The following SIPA1L1 variants were observed in gnomAD, a reference collection of about 807,000 sequenced individuals.
SIPA1L1 encodes the protein signal induced proliferation associated 1 like 1, also known as signal-induced proliferation-associated 1-like protein 1.
A neutral mutation model predicts 162.7 loss-of-function variants in SIPA1L1; 26 were observed. The observed-to-expected ratio is 0.16, with a 90% CI of 0.12 to 0.22. The LOEUF (loss-of-function observed/expected upper bound fraction) is 0.22. Ranked by LOEUF, SIPA1L1 falls within the 10% of genes least tolerant of loss-of-function variation. SIPA1L1 has a pLI of 1.00. For missense variants in SIPA1L1, 1,874 were observed against 2,241.0 expected (o/e 0.84, Z 3.31); for synonymous variants, 829 against 837.4 (o/e 0.99, Z 0.17).
intron 2 of SIPA1L1, among the ~76,000 whole-genome samples, chr14:71,437,654 G>A (rs952969643): frequency 3.9e-5 from 6 of 152,142 alleles, no homozygotes; most frequent in Admixed American, 1.3e-4. Flanking sequence ...AAGACACCGC[G>A]CCTGGCTTAT....
At chr14:71,502,051 A>C (rs1211426232) in intron 2 of SIPA1L1, among the ~76,000 whole-genome samples, 2 of 149,878 alleles carry the variant, frequency 1.3e-5, no homozygotes, top group African/African-American at 2.4e-5. Context: ...AAAAAAAAAA[A>C]AAAATCTTCA....
At chr14:71,357,404 G>A (rs2140785072) in intron 2 of SIPA1L1, among the ~76,000 whole-genome samples, 1 of 152,288 alleles carries the variant, frequency 6.6e-6, no homozygotes. Context: ...TTGGTGGTAA[G>A]GCCGCCTGAT....
rs754676608 is a variant in SIPA1L1 at position 71,702,505 on chromosome 14, G to C, written c.3646G>C (p.Glu1216Gln). ...RSEDSIADQMEPTCHLPAVSK... is the reference protein window; with the variant it reads ...RSEDSIADQMQPTCHLPAVSK... ...TGAGGATAGCATTGCTGACCAGATG[G>C]GTAAGTAATCAATTTCTACAAGAAG... Residue 1216 changes from glutamate (E) to glutamine (Q), a missense_variant and splice_region_variant, in exon 15 of 24, where the codon GAG becomes CAG. Around this residue, in one of 5 missense-constraint regions of SIPA1L1, gnomAD observed 936 missense variants for 1,051.9 expected, o/e 0.89. Coordinates refer to ENST00000381232, the MANE Select transcript of SIPA1L1 (RefSeq NM_001386936.1). 6 of 1,613,332 alleles carry C rather than the reference G, an allele frequency of 3.7e-6. No individual in the cohort carries two copies. Among genetic ancestry groups the C allele is most frequent in the Non-Finnish European group, 5.1e-6 (6 of 1,179,568 alleles).
At chr14:71,411,113 T>C (rs1018708496) in intron 2 of SIPA1L1, among the ~76,000 whole-genome samples, 5 of 152,258 alleles carry the variant, frequency 3.3e-5, no homozygotes, top group African/African-American at 4.8e-5. Context: ...GACTTTTCTT[T>C]AGCATTTTGT....
At position 71,639,144 on chromosome 14, in the gene SIPA1L1, C is replaced by A. The variant is rs531376560; in HGVS notation, c.1819-11191C>A. Among the ~76,000 whole-genome samples, 4 of 152,332 alleles carry A rather than the reference C, an allele frequency of 2.6e-5. 1 individual carries two copies. The highest frequency in any genetic ancestry group is 2.6e-4 in the Admixed American group (4 of 15,302). ...CCCTAATGTTGGGCATGATGGCTCA[C>A]TTCTGTAATCCTAGCGTTTTGAGAG... On this transcript the variant is annotated intron_variant, in intron 7 of 23. Coordinates refer to ENST00000381232, the MANE Select transcript of SIPA1L1 (RefSeq NM_001386936.1).
intron 10 of SIPA1L1, among the ~76,000 whole-genome samples, chr14:71,666,058 A>G (rs2043973390): frequency 1.3e-5 from 2 of 152,184 alleles, no homozygotes; most frequent in Non-Finnish European, 2.9e-5. Context: ...CCATTTTTCA[A>G]CAACTACAGA....
intron 2 of SIPA1L1, among the ~76,000 whole-genome samples, chr14:71,446,906 G>GTTTTTTTTTTTTTTTTTTTTT (rs1189940440): frequency 1.9e-4 from 10 of 53,244 alleles, no homozygotes; most frequent in East Asian, 1.5e-3. Context: ...TTTTTTTTTT[G>GTTTTTTTTTTTTTTTTTTTTT]TTTTTTTTTT....
At chr14:71,446,665 T>C (rs2045366132) in intron 2 of SIPA1L1, among the ~76,000 whole-genome samples, 1 of 152,170 alleles carries the variant, frequency 6.6e-6, no homozygotes, top group Non-Finnish European at 1.5e-5. Context: ...TTTGTGTGTG[T>C]GCATTTTTAT....
intron 5 of SIPA1L1, among the ~76,000 whole-genome samples, chr14:71,600,692 G>T (rs2036629626): frequency 6.6e-6 from 1 of 152,120 alleles, no homozygotes; most frequent in Non-Finnish European, 1.5e-5. Flanking sequence ...TCATTTTAAT[G>T]ATAATAATTC....
intron 16 of SIPA1L1, among the ~76,000 whole-genome samples, chr14:71,708,968 A>G (rs1347514752): frequency 1.3e-5 from 2 of 152,082 alleles, no homozygotes; most frequent in African/African-American, 2.4e-5. Context: ...TCTCAATAGT[A>G]TTGATACTTT....
chr14:71,447,562 ATTTTT>A (rs61686460), intron 2 of SIPA1L1, among the ~76,000 whole-genome samples: 3 of 127,786 alleles, frequency 2.3e-5, no homozygotes, highest in East Asian at 2.3e-4. Flanking sequence ...TGTACTGTGG[ATTTTT>A]TTTTTTTTTT....
intron 2 of SIPA1L1, among the ~76,000 whole-genome samples, chr14:71,385,540 T>C (rs2141254132): frequency 6.6e-6 from 1 of 152,278 alleles, no homozygotes; most frequent in Admixed American, 6.5e-5. Context: ...TATTTAAATA[T>C]TTCTAGTTGC....
intron 10 of SIPA1L1, 93 bp from the exon 11 acceptor site, chr14:71,671,026 A>C (rs2044466288): frequency 1.0e-6 from 1 of 967,090 alleles, no homozygotes; most frequent in Middle Eastern, 2.3e-4. Flanking sequence ...TTTGTATCTG[A>C]GGTACATCTT....
intron 4 of SIPA1L1, among the ~76,000 whole-genome samples, chr14:71,580,375 C>T (rs2147280415): frequency 6.6e-6 from 1 of 152,250 alleles, no homozygotes; most frequent in East Asian, 1.9e-4. Context: ...ATGATGGCAA[C>T]CTGTGCTCTG....
intron 2 of SIPA1L1, among the ~76,000 whole-genome samples, chr14:71,415,811 C>T (rs1343797925): frequency 6.6e-6 from 1 of 152,148 alleles, no homozygotes; most frequent in Non-Finnish European, 1.5e-5. Context: ...GATTCTCCCG[C>T]CTCAGCCTCC....
chr14:71,610,680 G>C (rs1436026040), intron 5 of SIPA1L1, among the ~76,000 whole-genome samples: 1 of 152,092 alleles, frequency 6.6e-6, no homozygotes, highest in Non-Finnish European at 1.5e-5. Flanking sequence ...TGGAATGTAT[G>C]TCCTTTTGTT....
intron 3 of SIPA1L1, among the ~76,000 whole-genome samples, chr14:71,524,886 C>T (rs753421328): frequency 6.6e-6 from 1 of 152,178 alleles, no homozygotes; most frequent in African/African-American, 2.4e-5. Flanking sequence ...CTTCTATTCT[C>T]CTAACCTTGC....
chr14:71,544,306 G>A lies in SIPA1L1; in HGVS notation c.-303+14936G>A, dbSNP rs75519523. 5.7e-3 allele frequency among the ~76,000 whole-genome samples: 864 copies of A among 150,280 alleles called. 9 individuals are homozygous for A. The highest frequency in any genetic ancestry group is 0.02 in the African/African-American group (836 of 40,942). ...GTGTATATACATATATATCATGTGT[G>A]TATATACATATATGTATATACATAT... On this transcript the variant is annotated intron_variant, in intron 4 of 23. Coordinates refer to ENST00000381232, the MANE Select transcript of SIPA1L1 (RefSeq NM_001386936.1).
chr14:71,625,207 T>A (rs2039846551), intron 7 of SIPA1L1, among the ~76,000 whole-genome samples: 1 of 152,044 alleles, frequency 6.6e-6, no homozygotes, highest in African/African-American at 2.4e-5. Context: ...TGAATGAGAG[T>A]CCAAAAAATC....
Sources: allele counts gnomAD v4.1 joint callset (sites outside exome capture counted in the v4.1 genomes callset), GRCh38; gene constraint gnomAD v4.1.1; regional missense constraint gnomAD v4.1.1; transcripts MANE v1.5; gene names NCBI Gene and HGNC (gene_info 2026-07-23, HGNC 2026-07-21).